The following ALG5 variants were observed in gnomAD, a reference collection of about 807,000 sequenced individuals.
ALG5 encodes dolichyl-phosphate beta-glucosyltransferase.
ALG5 carries 26 observed loss-of-function variants against 51.8 expected under a neutral mutation model. That is an observed-to-expected ratio of 0.50 (90% CI 0.37 to 0.70). The LOEUF (loss-of-function observed/expected upper bound fraction) is 0.70, where lower values mean the gene tolerates loss of function less well. Ranked by LOEUF, ALG5 falls within the 30% of genes least tolerant of loss-of-function variation. The pLI is 0.00. For missense variants in ALG5, 311 were observed against 399.3 expected (o/e 0.78, Z 1.88); for synonymous variants, 141 against 136.1 (o/e 1.04, Z -0.25).
intron 6 of ALG5, among the ~76,000 whole-genome samples, chr13:36,974,052 C>T (rs148805716): frequency 2.0e-3 from 298 of 152,260 alleles, no homozygotes; most frequent in Non-Finnish European, 3.7e-3. Context: ...TTTGAAGTAG[C>T]AAACCTGCAT....
intron 8 of ALG5, among the ~76,000 whole-genome samples, chr13:36,960,743 G>C (rs2058862572): frequency 6.6e-6 from 1 of 151,242 alleles, no homozygotes; most frequent in Admixed American, 6.6e-5. Flanking sequence ...CCGGGTTCAA[G>C]TGATTCTTCT....
intron 8 of ALG5, among the ~76,000 whole-genome samples, chr13:36,964,318 C>T (rs550398515): frequency 2.0e-5 from 3 of 152,280 alleles, no homozygotes; most frequent in African/African-American, 7.2e-5. Flanking sequence ...TGATTGATCA[C>T]ACTTAAGTTT....
intron 6 of ALG5, among the ~76,000 whole-genome samples, chr13:36,976,443 A>G (rs58269062): frequency 1.4e-5 from 2 of 144,830 alleles, no homozygotes; most frequent in African/African-American, 5.5e-5. Flanking sequence ...AAAAAAAAAA[A>G]AAAAAAAGAA....
chr13:36,996,447 T>C (rs539011907), intron 1 of ALG5, among the ~76,000 whole-genome samples: 2 of 152,250 alleles, frequency 1.3e-5, no homozygotes, highest in South Asian at 2.1e-4. Flanking sequence ...ACTTCAGAGA[T>C]TATAAGATTA....
At chr13:36,964,241 A>G (rs1247512995) in intron 8 of ALG5, among the ~76,000 whole-genome samples, 2 of 152,146 alleles carry the variant, frequency 1.3e-5, no homozygotes, top group Non-Finnish European at 2.9e-5. Flanking sequence ...GCATGTGGAG[A>G]CACAGGTGGG....
intron 7 of ALG5, chr13:36,967,825 T>C (rs2058902216): frequency 1.6e-6 from 2 of 1,220,488 alleles, no homozygotes; most frequent in African/African-American, 1.6e-5. Context: ...AAGGAACAAA[T>C]AGAAATTGAA....
intron 6 of ALG5, among the ~76,000 whole-genome samples, chr13:36,982,016 G>A (rs1042734139): frequency 2.0e-5 from 3 of 152,156 alleles, no homozygotes; most frequent in African/African-American, 4.8e-5. Flanking sequence ...GTGTGAACCC[G>A]GGAGGCGGAG....
intron 6 of ALG5, among the ~76,000 whole-genome samples, chr13:36,977,790 CAAAAAAAAAAA>C (rs869027711): frequency 7.7e-5 from 3 of 39,168 alleles, no homozygotes; most frequent in Non-Finnish European, 1.2e-4. Context: ...AGACTGTCTC[CAAAAAAAAAAA>C]AAAAAAAAAA....
In ALG5 at chr13:36,999,244, G is replaced by A. The variant is rs1395062674; in HGVS notation, c.57C>T (p.Ala19=). 1 of 1,580,478 alleles carries A rather than the reference G, an allele frequency of 6.3e-7. No individual in the cohort carries two copies. The highest frequency in any genetic ancestry group is 1.4e-5 in the African/African-American group (1 of 71,920). Residue 19 remains alanine, a synonymous_variant, in exon 1 of 10, where the codon GCC becomes GCT. Coordinates refer to ENST00000239891, the MANE Select transcript of ALG5 (RefSeq NM_013338.5). ...CCATCCCTGTTCTCACCAGTACGAG[G>A]GCTGCGGCCGCCAGCGCCGCGCCGA... ...AVLGAALAAA[A]LVLISIVAFT... is the part of the protein sequence containing the mutation.
chr13:36,988,383 A>G (rs2059011281), intron 5 of ALG5, among the ~76,000 whole-genome samples: 1 of 152,210 alleles, frequency 6.6e-6, no homozygotes, highest in Admixed American at 6.5e-5. Flanking sequence ...TCTGTTTCAT[A>G]TATCCTGTGA....
At chr13:36,989,065 C>A (rs11620412) in intron 5 of ALG5, among the ~76,000 whole-genome samples, 5 of 152,126 alleles carry the variant, frequency 3.3e-5, no homozygotes, top group Non-Finnish European at 7.4e-5. Flanking sequence ...CAAATGCTTA[C>A]CTTTCCTATT....
chr13:36,999,256 C>T lies in ALG5; in HGVS notation c.45G>A (p.Leu15=), dbSNP rs561093528. ...LLQLAVLGAA[L]AAAALVLISI... ...TCACCAGTACGAGGGCTGCGGCCGC[C>T]AGCGCCGCGCCGAGCACCGCCAGCT... The change falls in exon 1 of 10, where the codon CTG becomes CTA. Residue 15 remains leucine (L), a synonymous_variant. Transcript: ENST00000239891. 673 of 1,580,762 alleles carry T rather than the reference C, an allele frequency of 4.3e-4. 12 individuals are homozygous for T. The South Asian group carries it at 7.4e-3, about 17-fold the overall frequency.
intron 8 of ALG5, among the ~76,000 whole-genome samples, chr13:36,960,003 A>G (rs1030634440): frequency 6.6e-6 from 1 of 152,116 alleles, no homozygotes; most frequent in African/African-American, 2.4e-5. Context: ...TATACTCTTG[A>G]GAGCCTGAAC....
chr13:36,977,749 G>A (rs2058958745), intron 6 of ALG5, among the ~76,000 whole-genome samples: 1 of 110,542 alleles, frequency 9.0e-6, no homozygotes, highest in Non-Finnish European at 1.6e-5. Context: ...CTGAGATCAT[G>A]CTACTGCACT....
intron 6 of ALG5, among the ~76,000 whole-genome samples, chr13:36,976,932 C>G (rs1156454567): frequency 6.6e-6 from 1 of 152,110 alleles, no homozygotes; most frequent in African/African-American, 2.4e-5. Flanking sequence ...TTGAAAAGAG[C>G]AACAACACTA....
intron 6 of ALG5, among the ~76,000 whole-genome samples, chr13:36,984,731 T>C (rs1428537472): frequency 6.6e-6 from 1 of 152,116 alleles, no homozygotes; most frequent in Admixed American, 6.5e-5. Context: ...TATCTGGACT[T>C]GAGGGTAGAC....
At chr13:36,998,156 T>G (rs1256445447) in intron 1 of ALG5, among the ~76,000 whole-genome samples, 2 of 152,116 alleles carry the variant, frequency 1.3e-5, no homozygotes, top group African/African-American at 2.4e-5. Flanking sequence ...GTAAGGCAGC[T>G]TCAATCTAAG....
chr13:36,989,614 G>A (rs1208003316), intron 4 of ALG5, 38 bp from the exon 5 acceptor site: 1 of 1,469,936 alleles, frequency 6.8e-7, no homozygotes, highest in East Asian at 2.4e-5. Flanking sequence ...AAATTAATTT[G>A]GATTAAAGAG....
At chr13:36,978,074 G>A (rs2058962084) in intron 6 of ALG5, among the ~76,000 whole-genome samples, 1 of 151,168 alleles carries the variant, frequency 6.6e-6, no homozygotes, top group African/African-American at 2.4e-5. Flanking sequence ...TTTTAGTAGA[G>A]ACGGGGTTTC....
Sources: gnomAD v4.1 joint callset for allele counts (sites outside exome capture counted in the v4.1 genomes callset) on GRCh38, gnomAD v4.1.1 for gene constraint, MANE v1.5 for transcripts, NCBI Gene and HGNC (gene_info 2026-07-23, HGNC 2026-07-21) for gene names.